ISM1: variants seen among roughly 807,000 people sequenced by gnomAD.
ISM1 encodes the protein isthmin-1.
A neutral mutation model predicts 46.3 loss-of-function variants in ISM1; 25 were observed. The observed-to-expected ratio is 0.54, with a 90% CI of 0.39 to 0.75. The LOEUF (loss-of-function observed/expected upper bound fraction) is 0.75, where lower values mean the gene tolerates loss of function less well. ISM1 is among the 30% of genes least tolerant of loss of function. The pLI, the probability that ISM1 is intolerant of heterozygous loss-of-function variation, is 0.00. For missense variants in ISM1, 536 were observed against 625.4 expected (o/e 0.86, Z 1.52); for synonymous variants, 255 against 256.7 (o/e 0.99, Z 0.06).
chr20:13,247,227 C>A (rs954939223), intron 1 of ISM1, among the ~76,000 whole-genome samples: 3 of 151,778 alleles, frequency 2.0e-5, no homozygotes, highest in Non-Finnish European at 4.4e-5. Flanking sequence ...TGTGAATCTC[C>A]GTCTCAAAAA....
downstream of ISM1, among the ~76,000 whole-genome samples, chr20:13,304,705 C>T (rs2123353439): frequency 6.6e-6 from 1 of 152,282 alleles, no homozygotes; most frequent in Middle Eastern, 3.4e-3. Context: ...CATAAGACTC[C>T]ACTCATTGGT....
At chr20:13,291,569 T>C (rs531849399) in intron 4 of ISM1, among the ~76,000 whole-genome samples, 44 of 152,314 alleles carry the variant, frequency 2.9e-4, no homozygotes, top group African/African-American at 1.0e-3. Flanking sequence ...CTCTTATTGC[T>C]TTAGCTTGCA....
the ISM1 span, among the ~76,000 whole-genome samples, chr20:13,306,564 C>CCAA: frequency 1.6e-5 from 1 of 63,914 alleles, no homozygotes; most frequent in Non-Finnish European, 2.6e-5. Flanking sequence ...GGAGAAAGGA[C>CCAA]AAAAAAAAAA....
At chr20:13,310,313 A>T in the ISM1 span, among the ~76,000 whole-genome samples, 1 of 152,224 alleles carries the variant, frequency 6.6e-6, no homozygotes, top group Non-Finnish European at 1.5e-5. Flanking sequence ...TTGCAAGAAC[A>T]CACAATGGGG....
chr20:13,276,412 A>G (rs1371971708), intron 2 of ISM1, among the ~76,000 whole-genome samples: 1 of 152,048 alleles, frequency 6.6e-6, no homozygotes, highest in African/African-American at 2.4e-5. Context: ...AGAGAAGGAA[A>G]GCTGATCAAG....
chr20:13,298,908 C>T (rs189481232), intron 5 of ISM1, 34 bp from the exon 6 acceptor site: 415 of 1,603,416 alleles, frequency 2.6e-4, no homozygotes, highest in Non-Finnish European at 3.2e-4. Context: ...CGGTTGTACA[C>T]GCGGTGAGAG....
chr20:13,249,981 A>C (rs564249740), intron 1 of ISM1, among the ~76,000 whole-genome samples: 58 of 152,310 alleles, frequency 3.8e-4, no homozygotes, highest in Non-Finnish European at 6.6e-4. Flanking sequence ...ATCCAGGAGG[A>C]GGCCCAAGAA....
At chr20:13,310,574 T>C in the ISM1 span, among the ~76,000 whole-genome samples, 1 of 152,168 alleles carries the variant, frequency 6.6e-6, no homozygotes, top group Admixed American at 6.5e-5. Context: ...GCAAACGGGT[T>C]TGCATCAAAG....
At chr20:13,225,889 TATAG>T (rs1483073044) in intron 1 of ISM1, among the ~76,000 whole-genome samples, 1 of 152,166 alleles carries the variant, frequency 6.6e-6, no homozygotes, top group Non-Finnish European at 1.5e-5. Context: ...TGGATATAGA[TATAG>T]ATATATAATA....
chr20:13,283,612 G>A (rs1176626956), intron 3 of ISM1, among the ~76,000 whole-genome samples: 2 of 152,198 alleles, frequency 1.3e-5, no homozygotes, highest in Admixed American at 6.5e-5. Flanking sequence ...GCTCAACTGT[G>A]GAAAGTATGT....
chr20:13,309,122 A>G, the ISM1 span, among the ~76,000 whole-genome samples: 107 of 152,340 alleles, frequency 7.0e-4, no homozygotes, highest in African/African-American at 2.5e-3. Flanking sequence ...TTTAAAACTC[A>G]CAATGCAAGG....
intron 1 of ISM1, among the ~76,000 whole-genome samples, chr20:13,235,691 T>C (rs964160444): frequency 1.3e-5 from 2 of 152,170 alleles, no homozygotes; most frequent in African/African-American, 2.4e-5. Flanking sequence ...TCACTTTCCA[T>C]CTTTTTTCAG....
chr20:13,303,047 T>A (rs905748166), downstream of ISM1, among the ~76,000 whole-genome samples: 1 of 152,206 alleles, frequency 6.6e-6, no homozygotes, highest in Non-Finnish European at 1.5e-5. Flanking sequence ...TCTGTGTTAA[T>A]CATTTTACCA....
At chr20:13,297,435 T>C (rs1392704103) in intron 5 of ISM1, among the ~76,000 whole-genome samples, 3 of 152,218 alleles carry the variant, frequency 2.0e-5, no homozygotes, top group Admixed American at 1.3e-4. Flanking sequence ...TGCCTCTGTT[T>C]CCTGAAATCA....
the ISM1 span, among the ~76,000 whole-genome samples, chr20:13,325,180 G>A: frequency 2.0e-5 from 3 of 152,216 alleles, no homozygotes; most frequent in Non-Finnish European, 4.4e-5. Flanking sequence ...GTGGGGGGAT[G>A]GCCCTGGAGT....
At chr20:13,304,743 T>A (rs1218950898), downstream of ISM1, among the ~76,000 whole-genome samples, 1 of 152,106 alleles carries the variant, frequency 6.6e-6, no homozygotes, top group African/African-American at 2.4e-5. Context: ...CCCTCACCCC[T>A]CGAGTGGGGC....
chr20:13,238,980 G>C (rs112638008), intron 1 of ISM1: 6 of 152,334 alleles, frequency 3.9e-5, no homozygotes, highest in African/African-American at 1.2e-4. Context: ...AGGAAGACAC[G>C]AACCAGGTGA....
chr20:13,305,117 G>T (rs538655079), downstream of ISM1, among the ~76,000 whole-genome samples: 1 of 150,842 alleles, frequency 6.6e-6, no homozygotes, highest in South Asian at 2.1e-4. Flanking sequence ...TTTTGCTATG[G>T]GTGATAAATC....
At chr20:13,226,374 A>G (rs1308326241) in intron 1 of ISM1, among the ~76,000 whole-genome samples, 2 of 152,056 alleles carry the variant, frequency 1.3e-5, no homozygotes, top group African/African-American at 4.8e-5. Context: ...TTTGTGACTT[A>G]CCTGCTCGTT....
Sources: gnomAD v4.1 joint callset for allele counts (sites outside exome capture counted in the v4.1 genomes callset) on GRCh38, gnomAD v4.1.1 for gene constraint, MANE v1.5 for transcripts, NCBI Gene and HGNC (gene_info 2026-07-23, HGNC 2026-07-21) for gene names.